Variants in FUBP3 observed in about 807,000 individuals in gnomAD.
FUBP3 encodes the protein far upstream element-binding protein 3.
Under a neutral mutation model 85.6 loss-of-function variants are expected in FUBP3, and 28 were observed. That is an observed-to-expected ratio of 0.33 (90% confidence interval 0.24 to 0.45). The LOEUF (loss-of-function observed/expected upper bound fraction) is 0.45, where lower values mean the gene tolerates loss of function less well. Ranked by LOEUF, FUBP3 falls within the 20% of genes least tolerant of loss-of-function variation. FUBP3 has a pLI of 1.00. For missense variants in FUBP3, 583 were observed against 755.1 expected (o/e 0.77, Z 2.67); for synonymous variants, 271 against 271.4 (o/e 1.00, Z 0.01).
At chr9:130,613,096 G>A in intron 5 of FUBP3, 69 bp downstream of exon 5, 3 of 983,280 alleles carry the variant, frequency 3.1e-6, no homozygotes, top group Non-Finnish European at 1.6e-6. Flanking sequence ...TCCAGATTCG[G>A]TACTTTGCTT....
intron 2 of FUBP3, among the ~76,000 whole-genome samples, chr9:130,599,488 A>G (rs1831044213): frequency 6.6e-6 from 1 of 151,998 alleles, no homozygotes. Context: ...TGTGTTTCAG[A>G]GAGTGGCAGT....
At chr9:130,613,685 A>G (rs1242426826) in intron 5 of FUBP3, among the ~76,000 whole-genome samples, 2 of 152,258 alleles carry the variant, frequency 1.3e-5, no homozygotes, top group Non-Finnish European at 2.9e-5. Flanking sequence ...TCTTGAAGGC[A>G]GTAAGTCCTG....
In FUBP3 at chr9:130,612,376, A is replaced by G; in HGVS notation, c.225-80A>G. On this transcript the variant is annotated intron_variant, in intron 3 of 18. Coordinates refer to ENST00000319725, the MANE Select transcript of FUBP3 (RefSeq NM_003934.2). The surrounding 1 kb of genome is among the most constrained non-coding windows in gnomAD (Gnocchi z 4.1). ...TAAGCTTTTATCATGCAACATTGCC[A>G]GTATGGGCAGTTTGGGGACCTAAAA... is the stretch of plus-strand genomic sequence containing the variant. The G allele has an allele frequency of 1.2e-6, 1 of 821,598 alleles. No individual in the cohort carries two copies. Among genetic ancestry groups the G allele is most frequent in the Non-Finnish European group, 2.1e-6 (1 of 481,764 alleles). 50.9% of individuals were successfully genotyped at this position (821,598 alleles called of 1,614,324 possible). A position where few individuals can be genotyped will look rare whatever the true frequency, so the allele number is the denominator to read the frequency against.
intron 2 of FUBP3, among the ~76,000 whole-genome samples, chr9:130,601,726 G>T (rs375711893): frequency 1.3e-5 from 2 of 150,548 alleles, no homozygotes; most frequent in East Asian, 2.0e-4. Flanking sequence ...TCATGACTTC[G>T]TTTTCCACGG....
chr9:130,624,274 A>T (rs1176204776), intron 11 of FUBP3, among the ~76,000 whole-genome samples: 1 of 152,254 alleles, frequency 6.6e-6, no homozygotes, highest in Non-Finnish European at 1.5e-5. Flanking sequence ...GTGACCTTGG[A>T]GCTGCCTTTG....
At position 130,580,273 on chromosome 9, in the gene FUBP3, G is replaced by C. The variant is rs150407555; in HGVS notation, c.84+509G>C. Among the ~76,000 whole-genome samples, 568 of 152,342 alleles carry C rather than the reference G, an allele frequency of 3.7e-3. 6 individuals carry two copies. Among genetic ancestry groups the C allele is most frequent in the African/African-American group, 0.013 (530 of 41,574 alleles). ...GGTGAGAGAGGGAGGTGTTACATGTGTGGGGGTGGTCCCCAAGATGTAGAA... is the reference window on the plus strand; with the variant it reads ...GGTGAGAGAGGGAGGTGTTACATGTCTGGGGGTGGTCCCCAAGATGTAGAA... On this transcript the variant is annotated intron_variant, in intron 1 of 18. Transcript: ENST00000319725.
Position 130,638,201 on chromosome 9 carries a change from T to G in FUBP3, c.*1179T>G, listed in dbSNP as rs1049701453. 2 of 152,634 alleles carry G rather than the reference T, an allele frequency of 1.3e-5. No individual in the cohort carries two copies. Among genetic ancestry groups the G allele is most frequent in the African/African-American group, 4.8e-5 (2 of 41,470 alleles). The allele number at this position is 152,634 out of a possible 1,614,324, so 9.5% of individuals were successfully genotyped here. Reference sequence around the variant, plus strand: ...TGGTTTTTTCTCCTTATTTTTCTTATAATGCTTGAAATGTCTAACTATTAA... The same window carrying G: ...TGGTTTTTTCTCCTTATTTTTCTTAGAATGCTTGAAATGTCTAACTATTAA... On this transcript the variant is annotated 3_prime_UTR_variant, in exon 19 of 19. Coordinates refer to ENST00000319725, the MANE Select transcript of FUBP3 (RefSeq NM_003934.2).
intron 2 of FUBP3, among the ~76,000 whole-genome samples, chr9:130,602,591 G>A (rs1397319099): frequency 6.6e-6 from 1 of 152,176 alleles, no homozygotes; most frequent in Non-Finnish European, 1.5e-5. Flanking sequence ...AGAGGGAAGT[G>A]AATCTCAGAA....
At chr9:130,610,957 G>A (rs1238173651) in intron 3 of FUBP3, among the ~76,000 whole-genome samples, 1 of 152,094 alleles carries the variant, frequency 6.6e-6, no homozygotes, top group African/African-American at 2.4e-5. Context: ...TAACTAGTCA[G>A]GATTTTCTTT....
chr9:130,610,076 G>A, intron 3 of FUBP3, 89 bp downstream of exon 3: 1 of 1,065,116 alleles, frequency 9.4e-7, no homozygotes, highest in Non-Finnish European at 1.4e-6. Flanking sequence ...GAAAGTCAGA[G>A]GTTGAGAATG....
intron 2 of FUBP3, 44 bp from the exon 3 acceptor site, chr9:130,609,910 G>C (rs770707327): frequency 2.7e-6 from 4 of 1,489,324 alleles, no homozygotes; most frequent in Non-Finnish European, 3.7e-6. Flanking sequence ...TAGTTTATCC[G>C]TGCTAATGCT....
At position 130,624,861 on chromosome 9, in the gene FUBP3, G is replaced by A. The variant is rs181403735; in HGVS notation, c.975+1150G>A. 1.4e-4 allele frequency among the ~76,000 whole-genome samples: 21 copies of A among 152,182 alleles called. No individual in the cohort carries two copies. The East Asian group carries it at 3.1e-3, about 22-fold the overall frequency. ...AGCATTTTGGGAGGCCGAGGCAAGC[G>A]GATCACCTGAGGTCAGGAGTTCGAG... On this transcript the variant is annotated intron_variant, in intron 11 of 18. Transcript: ENST00000319725.
intron 11 of FUBP3, among the ~76,000 whole-genome samples, chr9:130,625,965 A>G (rs942625460): frequency 6.6e-6 from 1 of 152,124 alleles, no homozygotes; most frequent in Non-Finnish European, 1.5e-5. Context: ...CTGACTTCCC[A>G]TAGGCCCAGT....
chr9:130,604,222 C>T (rs1010417415), intron 2 of FUBP3, among the ~76,000 whole-genome samples: 17 of 152,214 alleles, frequency 1.1e-4, no homozygotes, highest in African/African-American at 3.1e-4. Flanking sequence ...GGGATTGAGT[C>T]GGAGGAGAGG....
At chr9:130,596,169 C>G (rs1830856731) in intron 2 of FUBP3, among the ~76,000 whole-genome samples, 2 of 152,180 alleles carry the variant, frequency 1.3e-5, no homozygotes, top group Admixed American at 1.3e-4. Flanking sequence ...GTGCCAATCC[C>G]CAGCACTCTG....
chr9:130,611,312 C>T (rs1255142597), intron 3 of FUBP3, among the ~76,000 whole-genome samples: 1 of 152,212 alleles, frequency 6.6e-6, no homozygotes, highest in Non-Finnish European at 1.5e-5. Flanking sequence ...GACCTGGCTT[C>T]TGCTGCAGGA....
chr9:130,614,238 A>G (rs779342895), intron 5 of FUBP3, 50 bp from the exon 6 acceptor site: 7 of 1,173,680 alleles, frequency 6.0e-6, no homozygotes, highest in African/African-American at 1.5e-5. Context: ...GCAGAGGTGC[A>G]TGTGCCCGGT....
intron 2 of FUBP3, among the ~76,000 whole-genome samples, chr9:130,601,348 C>T (rs1831143001): frequency 6.6e-6 from 1 of 152,180 alleles, no homozygotes; most frequent in East Asian, 1.9e-4. Context: ...CCCATTTGTC[C>T]CTCTGTATCT....
intron 2 of FUBP3, among the ~76,000 whole-genome samples, chr9:130,602,314 G>A (rs934270869): frequency 2.0e-5 from 3 of 152,132 alleles, no homozygotes; most frequent in South Asian, 2.1e-4. Context: ...ATTCTTGGGC[G>A]TTCTGTCAAA....
Sources: allele counts gnomAD v4.1 joint callset (sites outside exome capture counted in the v4.1 genomes callset), GRCh38; gene constraint gnomAD v4.1.1; non-coding constraint Gnocchi (gnomAD v3.1); transcripts MANE v1.5; gene names NCBI Gene and HGNC (gene_info 2026-07-23, HGNC 2026-07-21).